Variants in BRI3BP observed in about 807,000 individuals in gnomAD.
BRI3BP encodes BRI3-binding protein.
Under a neutral mutation model 15.8 loss-of-function variants are expected in BRI3BP, and 7 were observed. The observed-to-expected ratio is 0.44, with a 90% CI of 0.25 to 0.83. The LOEUF is 0.83. BRI3BP is among the 40% of genes least tolerant of loss of function. The probability of loss-of-function intolerance (pLI) is 0.20; values close to 1 mark genes in which losing one functional copy is unlikely to be tolerated. For missense variants in BRI3BP, 320 were observed against 339.3 expected (o/e 0.94, Z 0.45); for synonymous variants, 192 against 163.5 (o/e 1.17, Z -1.33).
the BRI3BP span, among the ~76,000 whole-genome samples, chr12:125,046,048 C>G: frequency 1.3e-5 from 2 of 151,790 alleles, no homozygotes; most frequent in African/African-American, 4.8e-5. Flanking sequence ...GCCTGTAATC[C>G]CAGCTACTTG....
At chr12:125,016,717 A>G (rs1201656910) in intron 2 of BRI3BP, among the ~76,000 whole-genome samples, 2 of 150,782 alleles carry the variant, frequency 1.3e-5, no homozygotes, top group African/African-American at 4.9e-5. Context: ...TAGTAGAGAC[A>G]GGGTTTCACT....
chr12:125,024,323 C>G (rs887029444), intron 2 of BRI3BP, among the ~76,000 whole-genome samples: 1 of 151,088 alleles, frequency 6.6e-6, no homozygotes, highest in African/African-American at 2.4e-5. Flanking sequence ...AATCACCCCC[C>G]ACGAGGTTCC....
At chr12:125,019,953 CTTT>C (rs71092263) in intron 2 of BRI3BP, among the ~76,000 whole-genome samples, 11 of 75,060 alleles carry the variant, frequency 1.5e-4, no homozygotes, top group African/African-American at 6.4e-4. Flanking sequence ...CAACAACAGA[CTTT>C]TTTTTTTTTT....
intron 1 of BRI3BP, among the ~76,000 whole-genome samples, chr12:125,002,814 C>T (rs1467276280): frequency 2.6e-5 from 4 of 152,126 alleles, no homozygotes; most frequent in East Asian, 1.9e-4. Flanking sequence ...TTATCTCCTC[C>T]GGGTTAGGCT....
chr12:125,001,563 C>T (rs1241789233), intron 1 of BRI3BP, among the ~76,000 whole-genome samples: 1 of 151,860 alleles, frequency 6.6e-6, no homozygotes, highest in Non-Finnish European at 1.5e-5. Flanking sequence ...AGGATTTCTC[C>T]TCGAAATCCC....
downstream of BRI3BP, among the ~76,000 whole-genome samples, chr12:125,035,283 T>G (rs1955434726): frequency 6.6e-6 from 1 of 152,242 alleles, no homozygotes; most frequent in African/African-American, 2.4e-5. Flanking sequence ...GTTGTAGCAT[T>G]TTACATTCCT....
chr12:125,012,832 C>T (rs1051097343), intron 2 of BRI3BP, among the ~76,000 whole-genome samples, 196 bp downstream of exon 2: 2 of 152,098 alleles, frequency 1.3e-5, no homozygotes, highest in Non-Finnish European at 2.9e-5. Context: ...AATCCCAGCA[C>T]TTTGGGAGAC....
In BRI3BP at chr12:125,025,522, A is replaced by G; in HGVS notation, c.*92A>G. On this transcript the variant is annotated 3_prime_UTR_variant, in exon 3 of 3. Transcript: ENST00000341446. ...AAAACCCCAAACCCCAAACAATCTTAATAAACACGACTGAGCAAGAAAGTG... is the reference window on the plus strand; with the variant it reads ...AAAACCCCAAACCCCAAACAATCTTGATAAACACGACTGAGCAAGAAAGTG... The G allele has an allele frequency of 7.9e-7, 1 of 1,273,798 alleles. No individual in the cohort carries two copies. The highest frequency in any genetic ancestry group is 1.5e-5 in the African/African-American group (1 of 66,412). The allele number at this position is 1,273,798 out of a possible 1,614,324, so 78.9% of individuals were successfully genotyped here. A position where few individuals can be genotyped will look rare whatever the true frequency, so the allele number is the denominator to read the frequency against.
chr12:125,034,069 G>C (rs755513273), downstream of BRI3BP, among the ~76,000 whole-genome samples: 1 of 147,270 alleles, frequency 6.8e-6, no homozygotes, highest in Admixed American at 6.9e-5. Context: ...GGTTTGAGGC[G>C]GAGTTTCACT....
At chr12:125,033,435 A>G (rs1226843199), downstream of BRI3BP, among the ~76,000 whole-genome samples, 1 of 152,196 alleles carries the variant, frequency 6.6e-6, no homozygotes, top group African/African-American at 2.4e-5. Flanking sequence ...CATAAAATGT[A>G]GATTCATGAG....
At chr12:125,015,848 C>T (rs1802578369) in intron 2 of BRI3BP, among the ~76,000 whole-genome samples, 1 of 152,202 alleles carries the variant, frequency 6.6e-6, no homozygotes, top group Non-Finnish European at 1.5e-5. Flanking sequence ...CACTCATGGC[C>T]CCTCCAGGGA....
At chr12:125,011,608 G>A (rs149128838) in intron 1 of BRI3BP, among the ~76,000 whole-genome samples, 1 of 152,286 alleles carries the variant, frequency 6.6e-6, no homozygotes, top group African/African-American at 2.4e-5. Flanking sequence ...CTAAGGAAGG[G>A]TTCCTCCGGA....
chr12:125,050,493 A>T, the BRI3BP span, among the ~76,000 whole-genome samples: 4 of 152,288 alleles, frequency 2.6e-5, no homozygotes, highest in Admixed American at 1.3e-4. Context: ...GAAATGCACA[A>T]TATCGACTTA....
intron 1 of BRI3BP, among the ~76,000 whole-genome samples, chr12:125,008,299 C>CTTTTTTT (rs55697100): frequency 1.4e-3 from 135 of 99,878 alleles, no homozygotes; most frequent in Non-Finnish European, 1.6e-3. Context: ...CCTCTTCTTT[C>CTTTTTTT]TTTTTTTTTT....
downstream of BRI3BP, among the ~76,000 whole-genome samples, chr12:125,034,737 C>A (rs1433841867): frequency 1.3e-5 from 2 of 151,984 alleles, no homozygotes; most frequent in Non-Finnish European, 2.9e-5. Context: ...CTACAGGCGC[C>A]TGCCACCACG....
chr12:125,031,436 T>C (rs1955404787), downstream of BRI3BP, among the ~76,000 whole-genome samples: 1 of 152,126 alleles, frequency 6.6e-6, no homozygotes, highest in South Asian at 2.1e-4. Flanking sequence ...TGGTTGCTTA[T>C]CTGAAATTCA....
chr12:125,032,547 C>T (rs565093568), downstream of BRI3BP, among the ~76,000 whole-genome samples: 4 of 152,304 alleles, frequency 2.6e-5, no homozygotes, highest in East Asian at 1.9e-4. Flanking sequence ...GCAGGTGAAT[C>T]GCTCGAGTCC....
At position 125,027,586 on chromosome 12, in the gene BRI3BP, C is replaced by A. The variant is rs1286689191; in HGVS notation, c.*2156C>A. 1 of 152,132 alleles carries A rather than the reference C, an allele frequency of 6.6e-6. No homozygotes were observed. Among genetic ancestry groups the A allele is most frequent in the South Asian group, 2.1e-4 (1 of 4,820 alleles). The allele number at this position is 152,132 out of a possible 1,614,324, so 9.4% of individuals were successfully genotyped here. A position where few individuals can be genotyped will look rare whatever the true frequency, so the allele number is the denominator to read the frequency against. ...TTGGGAGGCTGAGGCTGGAGAATCG[C>A]TTGAACATGGGAGGCGGAGGTTGCA... On this transcript the variant is annotated 3_prime_UTR_variant, in exon 3 of 3. Coordinates refer to ENST00000341446, the MANE Select transcript of BRI3BP (RefSeq NM_080626.6).
intron 1 of BRI3BP, among the ~76,000 whole-genome samples, chr12:124,994,298 C>G (rs949146040): frequency 6.6e-6 from 1 of 152,042 alleles, no homozygotes; most frequent in Non-Finnish European, 1.5e-5. Context: ...TGACGCCTGC[C>G]GCGCGTCTCA....
Sources: gnomAD v4.1 joint callset for allele counts (sites outside exome capture counted in the v4.1 genomes callset) on GRCh38, gnomAD v4.1.1 for gene constraint, MANE v1.5 for transcripts, NCBI Gene and HGNC (gene_info 2026-07-23, HGNC 2026-07-21) for gene names.